ZFHX3: variants seen among roughly 807,000 people sequenced by gnomAD.
The protein encoded by ZFHX3 is zinc finger homeobox 3, also known as zinc finger homeobox protein 3.
Under a neutral mutation model 279.1 loss-of-function variants are expected in ZFHX3, and 42 were observed. The observed-to-expected ratio is 0.15, with a 90% CI of 0.12 to 0.19. The LOEUF (loss-of-function observed/expected upper bound fraction) is 0.19, where lower values mean the gene tolerates loss of function less well. Among genes scored for constraint, ZFHX3 ranks in the 10% least tolerant of loss-of-function variants. ZFHX3 has a pLI of 1.00. For missense variants in ZFHX3, 4,981 were observed against 4,754.0 expected (o/e 1.05, Z -1.40); for synonymous variants, 2,293 against 1,957.8 (o/e 1.17, Z -4.52).
intron 3 of ZFHX3, among the ~76,000 whole-genome samples, chr16:72,926,284 GTATT>G (rs763265565): frequency 4.6e-5 from 7 of 151,980 alleles, no homozygotes; most frequent in Non-Finnish European, 8.8e-5. Context: ...TAAGCAATGT[GTATT>G]TTTGCGTCTC....
intron 4 of ZFHX3, among the ~76,000 whole-genome samples, chr16:72,853,192 T>TA (rs1426661539): frequency 1.3e-5 from 2 of 152,256 alleles, no homozygotes; most frequent in Non-Finnish European, 2.9e-5. Flanking sequence ...CAGGAATTGT[T>TA]AAAGAATTAA....
intron 1 of ZFHX3, among the ~76,000 whole-genome samples, chr16:73,686,506 C>A (rs1322998192): frequency 6.6e-6 from 1 of 152,186 alleles, no homozygotes; most frequent in African/African-American, 2.4e-5. Context: ...AAAAACTCAA[C>A]TGACCCTTCG....
At chr16:73,023,338 G>A (rs557716627) in intron 1 of ZFHX3, among the ~76,000 whole-genome samples, 118 of 152,330 alleles carry the variant, frequency 7.7e-4, no homozygotes, top group Middle Eastern at 3.4e-3. Flanking sequence ...GAGACTGCCT[G>A]GAGGTGGAAG....
intron 1 of ZFHX3, among the ~76,000 whole-genome samples, chr16:73,734,544 T>C (rs888053039): frequency 6.6e-6 from 1 of 152,048 alleles, no homozygotes; most frequent in Non-Finnish European, 1.5e-5. Context: ...TAGTACAATA[T>C]AAAAAAACAG....
At chr16:73,547,565 G>T (rs953288731) in intron 2 of ZFHX3, among the ~76,000 whole-genome samples, 1 of 152,164 alleles carries the variant, frequency 6.6e-6, no homozygotes, top group Non-Finnish European at 1.5e-5. Flanking sequence ...GGATGGGGGG[G>T]TTTGTCAAGA....
chr16:73,076,940 C>G (rs1965892159), intron 8 of ZFHX3, among the ~76,000 whole-genome samples: 1 of 152,074 alleles, frequency 6.6e-6, no homozygotes, highest in Admixed American at 6.6e-5. Flanking sequence ...TCTGAATAAT[C>G]AAAACCATGA....
In ZFHX3 at chr16:72,865,225, C is replaced by G. The variant is rs536768746; in HGVS notation, c.3448+24506G>C. Among the ~76,000 whole-genome samples, 4 of 152,308 alleles carry G rather than the reference C, an allele frequency of 2.6e-5. 1 individual carries two copies. In the South Asian group the frequency reaches 8.3e-4, roughly 32 times the overall value. On this transcript the variant is annotated intron_variant, in intron 4 of 9. Transcript: ENST00000268489. ...TATGGATGACTTCCATGTGCCCAGGCAGGGCACAAGACTGAGGACTCAGTT... is the reference window on the plus strand; with the variant it reads ...TATGGATGACTTCCATGTGCCCAGGGAGGGCACAAGACTGAGGACTCAGTT...
At chr16:73,231,566 C>A (rs1337751294) in intron 5 of ZFHX3, among the ~76,000 whole-genome samples, 1 of 152,166 alleles carries the variant, frequency 6.6e-6, no homozygotes, top group Admixed American at 6.5e-5. Flanking sequence ...TCCTGCATAC[C>A]TTTTCCTCCA....
chr16:73,780,891 G>A (rs945376904), intron 1 of ZFHX3, among the ~76,000 whole-genome samples: 4 of 152,204 alleles, frequency 2.6e-5, no homozygotes, highest in African/African-American at 9.6e-5. Flanking sequence ...CTATTCAAAG[G>A]CTGCTTTTTT....
chr16:73,480,613 T>C (rs2018849384), intron 2 of ZFHX3, among the ~76,000 whole-genome samples: 1 of 152,164 alleles, frequency 6.6e-6, no homozygotes, highest in South Asian at 2.1e-4. Context: ...GCTTTGCAAT[T>C]GCCTGGCCAT....
At chr16:73,383,459 G>A (rs541710949) in intron 3 of ZFHX3, among the ~76,000 whole-genome samples, 2 of 152,196 alleles carry the variant, frequency 1.3e-5, no homozygotes, top group African/African-American at 4.8e-5. Flanking sequence ...TCCTGGACAG[G>A]AGGGATCTCT....
chr16:72,860,829 C>A (rs373580130), intron 4 of ZFHX3, among the ~76,000 whole-genome samples: 1 of 152,234 alleles, frequency 6.6e-6, no homozygotes, highest in African/African-American at 2.4e-5. Context: ...AATGCTCAGT[C>A]GTCTGTCCTT....
intron 6 of ZFHX3, among the ~76,000 whole-genome samples, chr16:73,132,465 G>T (rs867785864): frequency 3.9e-5 from 6 of 152,120 alleles, no homozygotes; most frequent in African/African-American, 9.7e-5. Flanking sequence ...ATGATAGCAG[G>T]TTTCAGGAAC....
chr16:73,853,495 G>A (rs1961640931), intron 1 of ZFHX3, among the ~76,000 whole-genome samples: 1 of 152,046 alleles, frequency 6.6e-6, no homozygotes, highest in Non-Finnish European at 1.5e-5. Flanking sequence ...ATACTACAGA[G>A]CCATAAAAAA....
At chr16:73,314,253 A>G (rs1413186188) in intron 4 of ZFHX3, among the ~76,000 whole-genome samples, 3 of 152,192 alleles carry the variant, frequency 2.0e-5, no homozygotes, top group Non-Finnish European at 2.9e-5. Flanking sequence ...CTTCGTCTGC[A>G]CTATCAGCAC....
chr16:73,315,457 C>T (rs1261194911), intron 4 of ZFHX3, among the ~76,000 whole-genome samples: 1 of 152,152 alleles, frequency 6.6e-6, no homozygotes, highest in Non-Finnish European at 1.5e-5. Flanking sequence ...TTTAATTTCA[C>T]TTTTGCCAGA....
chr16:73,000,083 C>T (rs1464337292), intron 1 of ZFHX3, among the ~76,000 whole-genome samples: 1 of 152,192 alleles, frequency 6.6e-6, no homozygotes, highest in East Asian at 1.9e-4. Context: ...GGCTTCCGAA[C>T]CTAGAAATGC....
intron 2 of ZFHX3, chr16:73,608,561 T>C (rs2052214344): frequency 6.6e-6 from 1 of 152,214 alleles, no homozygotes; most frequent in African/African-American, 2.4e-5. Flanking sequence ...AAAATTTCTC[T>C]GGAGCTCAAT....
chr16:72,860,144 CA>C (rs2037848222), intron 4 of ZFHX3, among the ~76,000 whole-genome samples: 2 of 152,264 alleles, frequency 1.3e-5, no homozygotes, highest in South Asian at 4.1e-4. Context: ...TATATTTTAA[CA>C]GATCCAGATT....
Sources: gnomAD v4.1 joint callset for allele counts (sites outside exome capture counted in the v4.1 genomes callset) on GRCh38, gnomAD v4.1.1 for gene constraint, MANE v1.5 for transcripts, NCBI Gene and HGNC (gene_info 2026-07-23, HGNC 2026-07-21) for gene names.